The following HNF4G variants were observed in gnomAD, a reference collection of about 807,000 sequenced individuals.
The protein encoded by HNF4G is hepatocyte nuclear factor 4 gamma, also known as hepatocyte nuclear factor 4-gamma.
A neutral mutation model predicts 50.9 loss-of-function variants in HNF4G; 21 were observed. The ratio of observed to expected loss-of-function variants is 0.41; its 90% CI spans 0.29 to 0.59. The LOEUF is 0.59. HNF4G is among the 20% of genes least tolerant of loss of function. HNF4G has a pLI of 0.26. For missense variants in HNF4G, 527 were observed against 559.4 expected (o/e 0.94, Z 0.58); for synonymous variants, 198 against 185.6 (o/e 1.07, Z -0.54).
At chr8:75,452,626 G>A (rs2612290) in intron 1 of HNF4G, among the ~76,000 whole-genome samples, 2 of 148,252 alleles carry the variant, frequency 1.3e-5, no homozygotes, top group Non-Finnish European at 1.5e-5. Flanking sequence ...GGCTGAGGCA[G>A]GGAAATGGCG....
intron 1 of HNF4G, among the ~76,000 whole-genome samples, chr8:75,408,675 T>A (rs1181709124): frequency 6.6e-6 from 1 of 152,250 alleles, no homozygotes; most frequent in Non-Finnish European, 1.5e-5. Context: ...CAGCACGTGA[T>A]AAGATCTTAG....
intron 1 of HNF4G, among the ~76,000 whole-genome samples, chr8:75,444,278 G>C (rs1342559725): frequency 6.6e-6 from 1 of 151,636 alleles, no homozygotes; most frequent in Non-Finnish European, 1.5e-5. Flanking sequence ...CCTGAAGGAA[G>C]CGCTAAACAT....
At chr8:75,484,168 T>A (rs1304164945) in intron 1 of HNF4G, among the ~76,000 whole-genome samples, 2 of 152,222 alleles carry the variant, frequency 1.3e-5, no homozygotes, top group Non-Finnish European at 2.9e-5. Context: ...ATTAGAATGT[T>A]TAGCTCAGCA....
chr8:75,557,409 C>T (rs1807160890), intron 6 of HNF4G, among the ~76,000 whole-genome samples: 1 of 152,136 alleles, frequency 6.6e-6, no homozygotes, highest in African/African-American at 2.4e-5. Flanking sequence ...CACTTAAGGT[C>T]AGGAGTTCGA....
intron 2 of HNF4G, among the ~76,000 whole-genome samples, chr8:75,513,898 G>C (rs1805821805): frequency 1.3e-5 from 2 of 150,822 alleles, no homozygotes; most frequent in Non-Finnish European, 1.5e-5. Context: ...TCATTTTTAG[G>C]TTAAGACTTT....
chr8:75,428,290 G>C (rs1810932408), intron 1 of HNF4G, among the ~76,000 whole-genome samples: 1 of 152,068 alleles, frequency 6.6e-6, no homozygotes, highest in African/African-American at 2.4e-5. Context: ...AAGTTACTTG[G>C]TGTTTCACTT....
chr8:75,416,092 A>T (rs1419860078), intron 1 of HNF4G, among the ~76,000 whole-genome samples: 1 of 152,214 alleles, frequency 6.6e-6, no homozygotes, highest in East Asian at 1.9e-4. Context: ...AAGTAAAATG[A>T]TATGTTAGTT....
intron 1 of HNF4G, among the ~76,000 whole-genome samples, chr8:75,429,641 C>T (rs1478531842): frequency 1.3e-5 from 2 of 152,140 alleles, no homozygotes; most frequent in Admixed American, 1.3e-4. Context: ...TAGTGAAGAT[C>T]ATGACGTTTC....
At chr8:75,424,278 G>A (rs1185915536) in intron 1 of HNF4G, among the ~76,000 whole-genome samples, 2 of 151,994 alleles carry the variant, frequency 1.3e-5, no homozygotes, top group South Asian at 4.2e-4. Flanking sequence ...CAAATTAAAT[G>A]TTCGTTAAAT....
chr8:75,487,332 G>C (rs1585887182), intron 1 of HNF4G, among the ~76,000 whole-genome samples: 1 of 152,002 alleles, frequency 6.6e-6, no homozygotes, highest in South Asian at 2.1e-4. Flanking sequence ...AGAATTTCGG[G>C]ATAGACACAT....
chr8:75,475,394 G>A (rs2130643455), intron 1 of HNF4G, among the ~76,000 whole-genome samples: 1 of 152,276 alleles, frequency 6.6e-6, no homozygotes, highest in South Asian at 2.1e-4. Flanking sequence ...TTTATTAAAG[G>A]AAATATATGA....
At chr8:75,478,168 C>A (rs1481505662) in intron 1 of HNF4G, among the ~76,000 whole-genome samples, 1 of 150,956 alleles carries the variant, frequency 6.6e-6, no homozygotes, top group East Asian at 2.0e-4. Flanking sequence ...AAAAAATTAA[C>A]CAGGGCGTGG....
chr8:75,558,743 T>C, intron 7 of HNF4G, 58 bp from the exon 8 acceptor site: 1 of 1,578,514 alleles, frequency 6.3e-7, no homozygotes, highest in Non-Finnish European at 8.7e-7. Context: ...AGAATATTTA[T>C]TGTCTCACAC....
intron 2 of HNF4G, among the ~76,000 whole-genome samples, chr8:75,513,058 A>G (rs1805798884): frequency 6.6e-6 from 1 of 152,148 alleles, no homozygotes; most frequent in Admixed American, 6.5e-5. Context: ...CTTTTTTGAG[A>G]AAGAGTCTCG....
Position 75,467,661 on chromosome 8 carries a change from GA to G in HNF4G, c.-143-22414del, listed in dbSNP as rs371678463. On this transcript the variant is annotated intron_variant, in intron 1 of 10. Transcript: ENST00000354370. ...GCAACAGAGCAAGACTCTGTCTCAG[GA>G]AAAAAAAAAAAAAGGAATTTTATAT... Among the ~76,000 whole-genome samples, 653 of 127,380 alleles carry G rather than the reference GA, an allele frequency of 5.1e-3. 7 individuals are homozygous for G. The South Asian group carries it at 0.055, about 11-fold the overall frequency. 83.6% of individuals were successfully genotyped at this position (127,380 alleles called of 152,430 possible). A position where few individuals can be genotyped will look rare whatever the true frequency, so the allele number is the denominator to read the frequency against.
chr8:75,554,298 A>G (rs1288664035), intron 5 of HNF4G, among the ~76,000 whole-genome samples: 2 of 152,164 alleles, frequency 1.3e-5, no homozygotes, highest in African/African-American at 4.8e-5. Context: ...TTTTATTATC[A>G]TTCTTCTTTA....
At position 75,466,620 on chromosome 8, in the gene HNF4G, C is replaced by CG. The variant is rs1811987588; in HGVS notation, c.-143-23469_-143-23468insG. On this transcript the variant is annotated intron_variant, in intron 1 of 10. Transcript: ENST00000354370. ...TCCTTCCTTCCTTCCTTCCTTCCTT[C>CG]CTTCCTTCCTTCCTTCTCCCTTCCC... Among the ~76,000 whole-genome samples the CG allele has an allele frequency of 1.8e-4, 19 of 104,052 alleles. 2 individuals are homozygous for CG. In the South Asian group the frequency reaches 6.3e-3, roughly 34 times the overall value. 68.3% of individuals were successfully genotyped at this position (104,052 alleles called of 152,430 possible).
At chr8:75,551,976 T>G (rs1034192736) in intron 4 of HNF4G, among the ~76,000 whole-genome samples, 1 of 152,190 alleles carries the variant, frequency 6.6e-6, no homozygotes, top group Admixed American at 6.5e-5. Flanking sequence ...GAGAAAACTT[T>G]ATTATTTTAA....
chr8:75,472,909 T>C (rs577761581), intron 1 of HNF4G, among the ~76,000 whole-genome samples: 1 of 152,292 alleles, frequency 6.6e-6, no homozygotes. Flanking sequence ...AATGAACCAG[T>C]CCTAGAAAAA....
Sources: gnomAD v4.1 joint callset for allele counts (sites outside exome capture counted in the v4.1 genomes callset) on GRCh38, gnomAD v4.1.1 for gene constraint, MANE v1.5 for transcripts, NCBI Gene and HGNC (gene_info 2026-07-23, HGNC 2026-07-21) for gene names.